ANXA10: variants seen among roughly 807,000 people sequenced by gnomAD.
ANXA10 encodes the protein annexin A10, also known as annexin 14.
A neutral mutation model predicts 53.5 loss-of-function variants in ANXA10; 49 were observed. That is an observed-to-expected ratio of 0.92 (90% CI 0.73 to 1.16). The LOEUF (loss-of-function observed/expected upper bound fraction) is 1.16. Among genes scored for constraint, ANXA10 ranks in the 50% most tolerant of loss-of-function variants. The pLI is 0.00. For synonymous variants in ANXA10, 131 were observed against 128.9 expected (o/e 1.02, Z -0.11); for missense variants, 393 against 394.4 (o/e 1.00, Z 0.03).
chr4:168,136,832 A>T (rs1731245437), intron 2 of ANXA10, among the ~76,000 whole-genome samples: 1 of 152,146 alleles, frequency 6.6e-6, no homozygotes, highest in Admixed American at 6.5e-5. Flanking sequence ...TTTTTCCCCC[A>T]CACTGCCTTA....
chr4:168,183,026 A>G (rs898789375), intron 10 of ANXA10, among the ~76,000 whole-genome samples: 16 of 150,902 alleles, frequency 1.1e-4, no homozygotes, highest in African/African-American at 2.4e-4. Flanking sequence ...AAAAAAAAAA[A>G]AAAGAAAAAA....
At chr4:168,159,647 C>A (rs1578926017) in intron 3 of ANXA10, among the ~76,000 whole-genome samples, 1 of 152,120 alleles carries the variant, frequency 6.6e-6, no homozygotes, top group Non-Finnish European at 1.5e-5. Flanking sequence ...TCCATTTCAA[C>A]TAAATTTTAA....
At chr4:168,177,684 C>T (rs1439894450) in intron 6 of ANXA10, 56 bp from the exon 7 acceptor site, 13 of 1,546,408 alleles carry the variant, frequency 8.4e-6, no homozygotes, top group Non-Finnish European at 1.2e-5. Flanking sequence ...CTCACTAATC[C>T]AATATGAGTT....
At chr4:168,175,217 G>A (rs765881543) in intron 6 of ANXA10, among the ~76,000 whole-genome samples, 1 of 152,082 alleles carries the variant, frequency 6.6e-6, no homozygotes, top group African/African-American at 2.4e-5. Flanking sequence ...GAAGAAGAGA[G>A]TGTCGATTAT....
At chr4:168,178,865 T>C (rs1732184915) in intron 8 of ANXA10, among the ~76,000 whole-genome samples, 1 of 152,216 alleles carries the variant, frequency 6.6e-6, no homozygotes, top group African/African-American at 2.4e-5. Context: ...AGTAGGAAGT[T>C]TGCTGCTGAC....
chr4:168,156,014 TATATA>T (rs1487621395), intron 3 of ANXA10, among the ~76,000 whole-genome samples: 2 of 9,566 alleles, frequency 2.1e-4, no homozygotes, highest in Non-Finnish European at 1.6e-4. Flanking sequence ...TTATATGTTA[TATATA>T]ATATATTATA....
At chr4:168,175,404 T>A (rs182988820) in intron 6 of ANXA10, among the ~76,000 whole-genome samples, 1 of 152,210 alleles carries the variant, frequency 6.6e-6, no homozygotes, top group African/African-American at 2.4e-5. Context: ...CAGAACATAT[T>A]GTGTAAAAAT....
intron 1 of ANXA10, among the ~76,000 whole-genome samples, chr4:168,109,688 G>T (rs908093860): frequency 1.3e-5 from 2 of 152,182 alleles, no homozygotes; most frequent in Non-Finnish European, 2.9e-5. Context: ...AAAAATAACT[G>T]CAGACTCCTT....
At chr4:168,148,851 G>A (rs988146214) in intron 3 of ANXA10, among the ~76,000 whole-genome samples, 1 of 151,354 alleles carries the variant, frequency 6.6e-6, no homozygotes, top group East Asian at 1.9e-4. Flanking sequence ...ATCTTTCCCT[G>A]AGAATATTTT....
At chr4:168,108,852 C>T (rs376399407) in intron 1 of ANXA10, among the ~76,000 whole-genome samples, 1 of 152,170 alleles carries the variant, frequency 6.6e-6, no homozygotes, top group African/African-American at 2.4e-5. Flanking sequence ...GCTGACATCA[C>T]CACCCTTCAC....
intron 1 of ANXA10, among the ~76,000 whole-genome samples, chr4:168,126,893 T>C (rs1437190004): frequency 6.6e-6 from 1 of 152,190 alleles, no homozygotes; most frequent in Admixed American, 6.5e-5. Flanking sequence ...TGAATTCAAT[T>C]CTTAGTTTTG....
intron 1 of ANXA10, among the ~76,000 whole-genome samples, chr4:168,117,994 T>C (rs994782884): frequency 3.0e-5 from 4 of 135,334 alleles, no homozygotes; most frequent in Non-Finnish European, 6.7e-5. Context: ...AATGCGCACA[T>C]CAATGGAATG....
chr4:168,128,164 TG>T lies in ANXA10; in HGVS notation c.100+1del, dbSNP rs747388510. On this transcript the variant is annotated frameshift_variant and splice_region_variant, in exon 2 of 12. Transcript: ENST00000359299. LOFTEE classifies it high-confidence loss of function. The stretch of plus-strand genomic sequence containing the variant: ...TGCTAGGAGGAGCACTCCAAGGATT[TG>T]GTAAGTCTGATTATTTCTACCATCT... ...QMLGGALQGF[D>X]CDKDMLINIL... 6.2e-7 allele frequency: 1 copy of T among 1,610,576 alleles called. No homozygotes were observed. The highest frequency in any genetic ancestry group is 1.1e-5 in the South Asian group (1 of 90,958).
intron 3 of ANXA10, among the ~76,000 whole-genome samples, chr4:168,156,198 A>ATATTATATATT (rs1491176698): frequency 0.21 from 2,514 of 11,928 alleles, 145 homozygotes; most frequent in African/African-American, 0.34. Flanking sequence ...TATTATATAT[A>ATATTATATATT]ATATATATTA....
chr4:168,127,541 T>C (rs1279197574), intron 1 of ANXA10, among the ~76,000 whole-genome samples: 1 of 152,126 alleles, frequency 6.6e-6, no homozygotes, highest in Non-Finnish European at 1.5e-5. Flanking sequence ...TCTCCATTCC[T>C]TAAAAAAATA....
intron 6 of ANXA10, among the ~76,000 whole-genome samples, chr4:168,171,006 C>G (rs1308280210): frequency 6.6e-6 from 1 of 152,112 alleles, no homozygotes; most frequent in African/African-American, 2.4e-5. Flanking sequence ...ATTGGCTTCT[C>G]ACTTCTACAT....
chr4:168,120,221 A>G (rs1355831427), intron 1 of ANXA10, among the ~76,000 whole-genome samples: 8 of 152,140 alleles, frequency 5.3e-5, no homozygotes, highest in Admixed American at 6.5e-5. Context: ...AAAAAAGTCA[A>G]AATAGGAAGC....
chr4:168,098,899 AC>A (rs1212101925), intron 1 of ANXA10, among the ~76,000 whole-genome samples: 1 of 152,130 alleles, frequency 6.6e-6, no homozygotes, highest in African/African-American at 2.4e-5. Flanking sequence ...GTGGGAATCA[AC>A]TTCACTCACA....
At position 168,170,912 on chromosome 4, in the gene ANXA10, G is replaced by A. The variant is rs184736418; in HGVS notation, c.480+5586G>A. ...AATCTCCTTTAATAATAGTCTCTTC[G>A]AAAATCAGAAGTTCCGTGATAATTT... On this transcript the variant is annotated intron_variant, in intron 6 of 11. Transcript: ENST00000359299. Among the ~76,000 whole-genome samples the A allele has an allele frequency of 3.4e-3, 524 of 152,122 alleles. 4 individuals carry two copies. The highest frequency in any genetic ancestry group is 0.012 in the African/African-American group (493 of 41,520).
Sources: allele counts gnomAD v4.1 joint callset (sites outside exome capture counted in the v4.1 genomes callset), GRCh38; gene constraint gnomAD v4.1.1; transcripts MANE v1.5; gene names NCBI Gene and HGNC (gene_info 2026-07-23, HGNC 2026-07-21).